ARL3: variants seen among roughly 807,000 people sequenced by gnomAD.
The protein encoded by ARL3 is ADP-ribosylation factor-like protein 3.
ARL3 carries 9 observed loss-of-function variants against 26.0 expected under a neutral mutation model. The ratio of observed to expected loss-of-function variants is 0.35; its 90% CI spans 0.21 to 0.60. The LOEUF (loss-of-function observed/expected upper bound fraction) is 0.60. Ranked by LOEUF, ARL3 falls within the 20% of genes least tolerant of loss-of-function variation. The pLI is 0.78. For synonymous variants in ARL3, 71 were observed against 78.4 expected (o/e 0.91, Z 0.50); for missense variants, 158 against 215.7 (o/e 0.73, Z 1.67).
chr10:102,680,025 C>T (rs900211403), intron 5 of ARL3, among the ~76,000 whole-genome samples: 3 of 152,110 alleles, frequency 2.0e-5, no homozygotes, highest in African/African-American at 7.2e-5. Context: ...GATCTCGACT[C>T]GCTGCAAGCT....
chr10:102,711,751 C>T lies in ARL3; in HGVS notation c.3+2522G>A, dbSNP rs546762940. ...CAGTCTGGGTGACAGAGCAAGACTC[C>T]GTCTCAAAAAAAGAAAAAAAAAAGA... On this transcript the variant is annotated intron_variant, in intron 1 of 5. Coordinates refer to ENST00000260746, the MANE Select transcript of ARL3 (RefSeq NM_004311.4). 2.6e-5 allele frequency among the ~76,000 whole-genome samples: 4 copies of T among 151,032 alleles called. No individual in the cohort carries two copies. The East Asian group carries it at 5.8e-4, about 22-fold the overall frequency.
intron 1 of ARL3, among the ~76,000 whole-genome samples, chr10:102,710,182 A>C (rs1321969624): frequency 6.6e-6 from 1 of 152,246 alleles, no homozygotes; most frequent in Non-Finnish European, 1.5e-5. Context: ...AGAAATGCAA[A>C]GTTCAGCTAA....
At chr10:102,693,072 AGTTT>A (rs995888569) in intron 3 of ARL3, among the ~76,000 whole-genome samples, 6 of 152,202 alleles carry the variant, frequency 3.9e-5, no homozygotes, top group East Asian at 1.9e-4. Flanking sequence ...GGTGTACCAC[AGTTT>A]GTTTATCTAT....
At chr10:102,705,600 G>T in intron 1 of ARL3, 111 bp from the exon 2 acceptor site, 1 of 1,140,096 alleles carries the variant, frequency 8.8e-7, no homozygotes, top group South Asian at 2.6e-5. Flanking sequence ...GAGAGCTTAT[G>T]TTATTATTTT....
intron 5 of ARL3, among the ~76,000 whole-genome samples, chr10:102,682,771 C>A (rs888175459): frequency 6.6e-6 from 1 of 152,180 alleles, no homozygotes; most frequent in Admixed American, 6.6e-5. Context: ...ACACTTGAAA[C>A]TGCAACAGAA....
At chr10:102,685,783 T>C in intron 5 of ARL3, 33 bp downstream of exon 5, 1 of 1,548,658 alleles carries the variant, frequency 6.5e-7, no homozygotes, top group Non-Finnish European at 8.7e-7. Flanking sequence ...AGCTGTCATG[T>C]TGCCAGGTGG....
chr10:102,693,227 G>A (rs1448284001), intron 3 of ARL3, among the ~76,000 whole-genome samples: 4 of 152,158 alleles, frequency 2.6e-5, no homozygotes, highest in Admixed American at 1.3e-4. Flanking sequence ...CTGCTGGACT[G>A]TATGCTAAGA....
chr10:102,710,622 G>T (rs1393612386), intron 1 of ARL3, among the ~76,000 whole-genome samples: 2 of 152,160 alleles, frequency 1.3e-5, no homozygotes, highest in African/African-American at 2.4e-5. Context: ...GTACAACAGT[G>T]AGCAAAACGG....
At chr10:102,704,610 A>G (rs1257389859) in intron 2 of ARL3, among the ~76,000 whole-genome samples, 1 of 152,222 alleles carries the variant, frequency 6.6e-6, no homozygotes, top group Non-Finnish European at 1.5e-5. Context: ...ACCACACTTC[A>G]GCCTGTGTGA....
In ARL3 at chr10:102,699,455, A is replaced by G. The variant is rs1433698830; in HGVS notation, c.182T>C (p.Phe61Ser). 1 of 1,612,092 alleles carries G rather than the reference A, an allele frequency of 6.2e-7. No individual in the cohort carries two copies. Among genetic ancestry groups the G allele is most frequent in the Non-Finnish European group, 8.5e-7 (1 of 1,178,736 alleles). ...ACCAATGTCCCATACATTCAGTTTA[A>G]AACCTTGTGATTGTACACTTTTGAT... Reference protein sequence around the residue: ...FNIKSVQSQGFKLNVWDIGGQ... With the variant: ...FNIKSVQSQGSKLNVWDIGGQ... Residue 61 changes from phenylalanine to serine, a missense_variant, in exon 3 of 6, where the codon TTT (phenylalanine) becomes TCT (serine). Physicochemically the swap from Phe to Ser is radical, Grantham distance 155. Transcript: ENST00000260746.
In ARL3 at chr10:102,687,197, G is replaced by A. The variant is rs2064192505; in HGVS notation, c.316-1196C>T. Among the ~76,000 whole-genome samples, 3 of 150,494 alleles carry A rather than the reference G, an allele frequency of 2.0e-5. No homozygotes were observed. The South Asian group carries it at 6.4e-4, about 32-fold the overall frequency. On this transcript the variant is annotated intron_variant, in intron 4 of 5. Coordinates refer to ENST00000260746, the MANE Select transcript of ARL3 (RefSeq NM_004311.4). ...CCCGGCATAGGAATCCACATTTTTAGCAAACTCCTGAAGTGATTCCGCTAC... is the reference window on the plus strand; with the variant it reads ...CCCGGCATAGGAATCCACATTTTTAACAAACTCCTGAAGTGATTCCGCTAC...
intron 3 of ARL3, among the ~76,000 whole-genome samples, chr10:102,690,628 TTAATAA>T (rs1321245331): frequency 6.6e-6 from 1 of 152,130 alleles, no homozygotes; most frequent in Non-Finnish European, 1.5e-5. Flanking sequence ...AAAGCTGATA[TTAATAA>T]TAATACAGTA....
intron 1 of ARL3, among the ~76,000 whole-genome samples, chr10:102,710,988 TTG>T (rs2064335854): frequency 6.6e-6 from 1 of 152,138 alleles, no homozygotes; most frequent in Non-Finnish European, 1.5e-5. Context: ...ATATATGTGG[TTG>T]TGAGGACCAG....
Position 102,676,657 on chromosome 10 carries a change from T to C in ARL3, c.*237A>G. The stretch of plus-strand genomic sequence containing the variant: ...ATGTGCTTTGAGACATTTAATACTA[T>C]TTCAATTATGCAGAGGAAATAATAT... On this transcript the variant is annotated 3_prime_UTR_variant, in exon 6 of 6. Transcript: ENST00000260746. The C allele has an allele frequency of 2.3e-6, 1 of 430,320 alleles. No individual in the cohort carries two copies. Among genetic ancestry groups the C allele is most frequent in the Non-Finnish European group, 4.2e-6 (1 of 240,484 alleles). 26.7% of individuals were successfully genotyped at this position (430,320 alleles called of 1,614,324 possible).
chr10:102,694,232 TCCCG>T (rs1424027283), intron 3 of ARL3, among the ~76,000 whole-genome samples: 6 of 152,060 alleles, frequency 3.9e-5, no homozygotes, highest in African/African-American at 1.4e-4. Context: ...CTCGTGATCC[TCCCG>T]CCTTGGCCTC....
intron 3 of ARL3, among the ~76,000 whole-genome samples, chr10:102,693,801 T>TAGCTGGGA (rs996972197): frequency 5.9e-5 from 9 of 151,956 alleles, no homozygotes; most frequent in African/African-American, 1.7e-4. Context: ...GTCTCCCGAG[T>TAGCTGGGA]AGCTGGGACT....
At chr10:102,714,209 T>C in intron 1 of ARL3, 64 bp downstream of exon 1, 2 of 1,311,502 alleles carry the variant, frequency 1.5e-6, no homozygotes, top group Non-Finnish European at 2.0e-6. Context: ...TGCTCCGCCC[T>C]GGGCCTGGGG....
intron 3 of ARL3, among the ~76,000 whole-genome samples, chr10:102,698,458 C>T (rs2064261501): frequency 6.6e-6 from 1 of 152,152 alleles, no homozygotes; most frequent in Non-Finnish European, 1.5e-5. Flanking sequence ...GATGTAAACG[C>T]AAACTTTTGG....
intron 1 of ARL3, among the ~76,000 whole-genome samples, chr10:102,710,679 C>T (rs1411081992): frequency 6.6e-6 from 1 of 152,140 alleles, no homozygotes; most frequent in Non-Finnish European, 1.5e-5. Context: ...TTAAATAAAA[C>T]AATTTAAGAA....
Sources: gnomAD v4.1 joint callset for allele counts (sites outside exome capture counted in the v4.1 genomes callset) on GRCh38, gnomAD v4.1.1 for gene constraint, MANE v1.5 for transcripts, NCBI Gene and HGNC (gene_info 2026-07-23, HGNC 2026-07-21) for gene names.